The following PDE4D variants were observed in gnomAD, a reference collection of about 807,000 sequenced individuals.
PDE4D encodes the protein 3',5'-cyclic-AMP phosphodiesterase 4D.
PDE4D carries 24 observed loss-of-function variants against 87.4 expected under a neutral mutation model. That is an observed-to-expected ratio of 0.27 (90% CI 0.20 to 0.39). The LOEUF (loss-of-function observed/expected upper bound fraction) is 0.39, where lower values mean the gene tolerates loss of function less well. Ranked by LOEUF, PDE4D falls within the 10% of genes least tolerant of loss-of-function variation. The pLI is 1.00. For synonymous variants in PDE4D, 384 were observed against 383.2 expected (o/e 1.00, Z -0.02); for missense variants, 714 against 1,041.0 (o/e 0.69, Z 4.32).
intron 1 of PDE4D, among the ~76,000 whole-genome samples, chr5:60,316,526 A>G (rs1755618375): frequency 6.6e-6 from 1 of 152,138 alleles, no homozygotes; most frequent in South Asian, 2.1e-4. Flanking sequence ...CACTATGTTG[A>G]GTAGGAGTGG....
At chr5:59,885,334 T>A (rs889619862) in intron 1 of PDE4D, among the ~76,000 whole-genome samples, 12 of 152,120 alleles carry the variant, frequency 7.9e-5, no homozygotes, top group African/African-American at 2.7e-4. Context: ...AGTCAAGTAA[T>A]CCCCTAAAAT....
At chr5:59,394,422 G>A (rs1788911197) in intron 1 of PDE4D, among the ~76,000 whole-genome samples, 1 of 152,150 alleles carries the variant, frequency 6.6e-6, no homozygotes, top group Non-Finnish European at 1.5e-5. Context: ...GGGCCAAGAT[G>A]TTCTGACAGC....
chr5:59,855,664 T>C (rs1397631024), intron 1 of PDE4D, among the ~76,000 whole-genome samples: 1 of 152,168 alleles, frequency 6.6e-6, no homozygotes, highest in Admixed American at 6.6e-5. Context: ...AAGAGCATTC[T>C]AGTCTCATAA....
chr5:59,205,664 A>ACACACACACC (rs1748609363), intron 2 of PDE4D, among the ~76,000 whole-genome samples: 1 of 147,286 alleles, frequency 6.8e-6, no homozygotes, highest in Non-Finnish European at 1.5e-5. Flanking sequence ...ACACACACAC[A>ACACACACACC]CACACACACA....
intron 1 of PDE4D, among the ~76,000 whole-genome samples, chr5:59,229,644 A>G (rs1457263755): frequency 6.6e-6 from 1 of 152,160 alleles, no homozygotes; most frequent in Non-Finnish European, 1.5e-5. Context: ...ACTTCTTACA[A>G]CTTGAAAGGG....
chr5:59,457,773 T>C (rs1800154226), intron 1 of PDE4D, among the ~76,000 whole-genome samples: 1 of 151,994 alleles, frequency 6.6e-6, no homozygotes. Context: ...TGGGCGCTTG[T>C]AATCCCAGCT....
intron 1 of PDE4D, among the ~76,000 whole-genome samples, chr5:59,716,695 G>A (rs2150535119): frequency 6.6e-6 from 1 of 152,270 alleles, no homozygotes; most frequent in Non-Finnish European, 1.5e-5. Flanking sequence ...AATATCCATT[G>A]AGTTCACTGC....
At chr5:59,135,407 G>A (rs918550749) in intron 5 of PDE4D, among the ~76,000 whole-genome samples, 2 of 152,166 alleles carry the variant, frequency 1.3e-5, no homozygotes, top group Non-Finnish European at 2.9e-5. Context: ...TCAATTAAAT[G>A]TGGTCCCTGT....
chr5:58,989,717 G>A (rs192284037), intron 10 of PDE4D, 38 bp downstream of exon 10: 11 of 1,409,298 alleles, frequency 7.8e-6, no homozygotes, highest in Non-Finnish European at 9.7e-6. Context: ...TTTATGAGTG[G>A]CAAGTTAGTG....
At chr5:59,597,768 T>C (rs1826910864) in intron 1 of PDE4D, among the ~76,000 whole-genome samples, 1 of 152,180 alleles carries the variant, frequency 6.6e-6, no homozygotes, top group Non-Finnish European at 1.5e-5. Context: ...AGTAGAATAA[T>C]CTTTGCATTC....
chr5:59,579,090 A>C (rs948213496), intron 1 of PDE4D, among the ~76,000 whole-genome samples: 1 of 152,142 alleles, frequency 6.6e-6, no homozygotes, highest in Non-Finnish European at 1.5e-5. Flanking sequence ...ATCAGTAACT[A>C]CTAATTCCCA....
intron 6 of PDE4D, chr5:58,999,544 T>C: frequency 1.4e-6 from 2 of 1,448,998 alleles, no homozygotes; most frequent in Non-Finnish European, 1.8e-6. Context: ...CATTTTTGAT[T>C]GATTATATGT....
At position 59,000,966 on chromosome 5, in the gene PDE4D, G is replaced by A. The variant is rs1750415312; in HGVS notation, c.922-7501C>T. Among the ~76,000 whole-genome samples, 3 of 152,152 alleles carry A rather than the reference G, an allele frequency of 2.0e-5. No individual in the cohort carries two copies. The South Asian group carries it at 6.2e-4, about 32-fold the overall frequency. On this transcript the variant is annotated intron_variant, in intron 6 of 14. Coordinates refer to ENST00000340635, the MANE Select transcript of PDE4D (RefSeq NM_001104631.2). ...AGCCTCCCAAAGTGCTGGGATTACA[G>A]GTGTGAGCCAACGTGCCCAGCCAGA... is the stretch of plus-strand genomic sequence containing the variant.
chr5:59,054,085 T>C (rs925106421), intron 5 of PDE4D, among the ~76,000 whole-genome samples: 2 of 152,176 alleles, frequency 1.3e-5, no homozygotes, highest in African/African-American at 4.8e-5. Context: ...TTGGCATATT[T>C]TGTTTTTCAA....
chr5:59,425,025 A>G (rs1201211504), intron 1 of PDE4D, among the ~76,000 whole-genome samples: 2 of 152,230 alleles, frequency 1.3e-5, no homozygotes, highest in African/African-American at 4.8e-5. Context: ...TTATTCAGCT[A>G]TCTTTAATGA....
chr5:59,481,544 C>T (rs1169995402), intron 1 of PDE4D, among the ~76,000 whole-genome samples: 1 of 151,946 alleles, frequency 6.6e-6, no homozygotes, highest in Non-Finnish European at 1.5e-5. Context: ...AATTTCTGAC[C>T]CCTATTCCCT....
intron 3 of PDE4D, among the ~76,000 whole-genome samples, chr5:59,982,826 T>A (rs1762060815): frequency 6.6e-6 from 1 of 152,210 alleles, no homozygotes; most frequent in South Asian, 2.1e-4. Context: ...ATTTGTAGAG[T>A]ATCTCTGAAG....
At chr5:60,247,605 A>G (rs902752311) in intron 1 of PDE4D, among the ~76,000 whole-genome samples, 3 of 152,030 alleles carry the variant, frequency 2.0e-5, no homozygotes, top group Non-Finnish European at 4.4e-5. Context: ...CTACAACTAG[A>G]AACATTACAC....
At chr5:59,692,503 A>T (rs1203618286) in intron 1 of PDE4D, among the ~76,000 whole-genome samples, 1 of 152,162 alleles carries the variant, frequency 6.6e-6, no homozygotes, top group Non-Finnish European at 1.5e-5. Flanking sequence ...CCATCACCTC[A>T]TATTACTCTC....
Sources: allele counts gnomAD v4.1 joint callset (sites outside exome capture counted in the v4.1 genomes callset), GRCh38; gene constraint gnomAD v4.1.1; transcripts MANE v1.5; gene names NCBI Gene and HGNC (gene_info 2026-07-23, HGNC 2026-07-21).